The following EXOC6B variants were observed in gnomAD, a reference collection of about 807,000 sequenced individuals.
EXOC6B encodes exocyst complex component 6B.
EXOC6B carries 54 observed loss-of-function variants against 113.5 expected under a neutral mutation model. The ratio of observed to expected loss-of-function variants is 0.48; its 90% confidence interval spans 0.38 to 0.60. The LOEUF (loss-of-function observed/expected upper bound fraction) is 0.60. Ranked by LOEUF, EXOC6B falls within the 20% of genes least tolerant of loss-of-function variation. EXOC6B has a pLI of 0.00. For missense variants in EXOC6B, 797 were observed against 977.5 expected (o/e 0.82, Z 2.46); for synonymous variants, 357 against 339.0 (o/e 1.05, Z -0.58).
chr2:72,765,685 A>G (rs1350346542), intron 1 of EXOC6B, among the ~76,000 whole-genome samples: 1 of 152,104 alleles, frequency 6.6e-6, no homozygotes, highest in Non-Finnish European at 1.5e-5. Context: ...AAAAACAAAA[A>G]CAAAAACAAA....
intron 18 of EXOC6B, among the ~76,000 whole-genome samples, chr2:72,459,409 C>CA (rs1375153965): frequency 6.6e-6 from 1 of 152,154 alleles, no homozygotes; most frequent in African/African-American, 2.4e-5. Context: ...AAGAGGAAGT[C>CA]AAATTGTCCC....
intron 11 of EXOC6B, among the ~76,000 whole-genome samples, chr2:72,512,216 C>T (rs1204272694): frequency 6.6e-6 from 1 of 151,932 alleles, no homozygotes; most frequent in Non-Finnish European, 1.5e-5. Flanking sequence ...TATTGGATAT[C>T]TCTTCCAATC....
At chr2:72,496,816 A>C (rs995091488) in intron 13 of EXOC6B, among the ~76,000 whole-genome samples, 1 of 152,032 alleles carries the variant, frequency 6.6e-6, no homozygotes, top group Non-Finnish European at 1.5e-5. Context: ...TTATAAACAT[A>C]TCTCTTAGGA....
intron 18 of EXOC6B, among the ~76,000 whole-genome samples, chr2:72,401,601 A>ATATG (rs1558631082): frequency 1.8e-4 from 5 of 27,980 alleles, no homozygotes; most frequent in African/African-American, 3.3e-4. Context: ...ATATATATAT[A>ATATG]TGTGTATATA....
chr2:72,638,017 A>G lies in EXOC6B; in HGVS notation c.670-62349T>C, dbSNP rs190026083. On this transcript the variant is annotated intron_variant, in intron 6 of 21. Transcript: ENST00000272427. ...TAAAAAATAAAAATCAAATCAAAGCAGAAATAAATGAACTTGAAACAAAGA... is the reference window on the plus strand; with the variant it reads ...TAAAAAATAAAAATCAAATCAAAGCGGAAATAAATGAACTTGAAACAAAGA... Among the ~76,000 whole-genome samples, 29 of 152,282 alleles carry G rather than the reference A, an allele frequency of 1.9e-4. No individual in the cohort carries two copies. The East Asian group carries it at 4.4e-3, about 23-fold the overall frequency.
chr2:72,657,286 C>T lies in EXOC6B; in HGVS notation c.669+60817G>A, dbSNP rs75371190. 5.1e-3 allele frequency among the ~76,000 whole-genome samples: 691 copies of T among 135,246 alleles called. 13 individuals are homozygous for T. Among genetic ancestry groups the T allele is most frequent in the Admixed American group, 0.047 (563 of 11,956 alleles). The allele number at this position is 135,246 out of a possible 152,430, so 88.7% of individuals were successfully genotyped here. ...TGTTGGCCAGGCTGGACTGCAGTGG[C>T]GCTACCTTGGCTCACTGCAACCTCT... On this transcript the variant is annotated intron_variant, in intron 6 of 21. Transcript: ENST00000272427.
At chr2:72,470,782 A>G (rs1430446049) in intron 17 of EXOC6B, among the ~76,000 whole-genome samples, 3 of 142,968 alleles carry the variant, frequency 2.1e-5, no homozygotes, top group African/African-American at 3.0e-5. Context: ...CCATGTCCCT[A>G]CAAAGGACAT....
At chr2:72,374,946 TA>T (rs1558604878) in intron 19 of EXOC6B, among the ~76,000 whole-genome samples, 1 of 151,794 alleles carries the variant, frequency 6.6e-6, no homozygotes, top group African/African-American at 2.4e-5. Flanking sequence ...CATATTTTTT[TA>T]AAAAATTAAA....
intron 1 of EXOC6B, among the ~76,000 whole-genome samples, chr2:72,812,111 C>CAG (rs1685958155): frequency 6.6e-6 from 1 of 152,118 alleles, no homozygotes; most frequent in East Asian, 1.9e-4. Flanking sequence ...GCAGATAACA[C>CAG]TATTGTTTAC....
intron 6 of EXOC6B, among the ~76,000 whole-genome samples, chr2:72,664,909 G>C (rs1052407420): frequency 6.6e-6 from 1 of 152,234 alleles, no homozygotes; most frequent in Non-Finnish European, 1.5e-5. Context: ...GGGGCCAAAG[G>C]ATGGAGCTGT....
chr2:72,454,386 C>A (rs1275112404), intron 18 of EXOC6B, among the ~76,000 whole-genome samples: 2 of 152,034 alleles, frequency 1.3e-5, no homozygotes, highest in Admixed American at 6.6e-5. Flanking sequence ...CGCCTGTAAT[C>A]CTAGACACTT....
chr2:72,696,671 G>A (rs1677907016), intron 6 of EXOC6B, among the ~76,000 whole-genome samples: 1 of 152,118 alleles, frequency 6.6e-6, no homozygotes, highest in Non-Finnish European at 1.5e-5. Context: ...TTAGTCTACT[G>A]GGGAATAAGA....
At chr2:72,660,139 C>T (rs1291098824) in intron 6 of EXOC6B, among the ~76,000 whole-genome samples, 2 of 149,028 alleles carry the variant, frequency 1.3e-5, no homozygotes, top group East Asian at 3.9e-4. Flanking sequence ...ATACAGTCTA[C>T]TAAATAGGGA....
intron 16 of EXOC6B, among the ~76,000 whole-genome samples, 198 bp downstream of exon 16, chr2:72,492,120 G>T (rs189209859): frequency 6.6e-6 from 1 of 152,010 alleles, no homozygotes; most frequent in Non-Finnish European, 1.5e-5. Context: ...AGAGAAAAAC[G>T]ACTTTTTTAG....
intron 6 of EXOC6B, among the ~76,000 whole-genome samples, chr2:72,576,390 G>C (rs1272493335): frequency 2.0e-5 from 3 of 152,032 alleles, no homozygotes; most frequent in Non-Finnish European, 4.4e-5. Flanking sequence ...AATAGATACA[G>C]AGAAGTAGAA....
At chr2:72,813,237 A>G (rs1016484823) in intron 1 of EXOC6B, among the ~76,000 whole-genome samples, 2 of 151,734 alleles carry the variant, frequency 1.3e-5, no homozygotes, top group Non-Finnish European at 1.5e-5. Flanking sequence ...ACTATAGTGC[A>G]TGCCACGATG....
At chr2:72,317,051 C>G (rs1334172123) in intron 20 of EXOC6B, among the ~76,000 whole-genome samples, 1 of 152,000 alleles carries the variant, frequency 6.6e-6, no homozygotes, top group African/African-American at 2.4e-5. Flanking sequence ...GAAAGATTAG[C>G]TGGAACCAGA....
chr2:72,647,029 C>T lies in EXOC6B; in HGVS notation c.669+71074G>A, dbSNP rs112078225. 1.6e-4 allele frequency among the ~76,000 whole-genome samples: 24 copies of T among 152,276 alleles called. 2 individuals carry two copies. Among genetic ancestry groups the T allele is most frequent in the African/African-American group, 4.6e-4 (19 of 41,566 alleles). ...TCAAGTTGTCTCTGTTTGCAGATGA[C>T]ATGATTGTATATTTAGAAAACCCCA... On this transcript the variant is annotated intron_variant, in intron 6 of 21. Coordinates refer to ENST00000272427, the MANE Select transcript of EXOC6B (RefSeq NM_015189.3).
chr2:72,265,724 G>A (rs1489239748), intron 20 of EXOC6B, among the ~76,000 whole-genome samples: 1 of 152,000 alleles, frequency 6.6e-6, no homozygotes, highest in Non-Finnish European at 1.5e-5. Context: ...ATGTGTGCAT[G>A]TGTCTTTATA....
Sources: gnomAD v4.1 joint callset for allele counts (sites outside exome capture counted in the v4.1 genomes callset) on GRCh38, gnomAD v4.1.1 for gene constraint, MANE v1.5 for transcripts, NCBI Gene and HGNC (gene_info 2026-07-23, HGNC 2026-07-21) for gene names.